The following DCAF8L2 variants were observed in gnomAD, a reference collection of about 807,000 sequenced individuals.
The protein encoded by DCAF8L2 is DDB1 and CUL4 associated factor 8 like 2.
For synonymous variants in DCAF8L2, 200 were observed against 190.9 expected (o/e 1.05, Z -0.39); for missense variants, 430 against 490.7 (o/e 0.88, Z 1.17).
the DCAF8L2 span, among the ~76,000 whole-genome samples, chrX:27,491,216 C>G: frequency 8.9e-6 from 1 of 112,120 alleles, no homozygotes; most frequent in African/African-American, 3.2e-5. Flanking sequence ...ATCATTTACT[C>G]GGTGATTTTC....
At chrX:27,643,490 G>A (rs772643632) in intron 2 of DCAF8L2, among the ~76,000 whole-genome samples, 3 of 110,978 alleles carry the variant, frequency 2.7e-5, no homozygotes, top group Non-Finnish European at 5.7e-5. Context: ...AACCAATAGA[G>A]ACAGATAAAA....
At chrX:27,663,864 ATTT>A (rs80069253) in intron 2 of DCAF8L2, among the ~76,000 whole-genome samples, 6 of 68,988 alleles carry the variant, frequency 8.7e-5, no homozygotes, top group African/African-American at 2.3e-4. Context: ...CACCTGGCTA[ATTT>A]TTTTTTTTTT....
At chrX:27,536,706 G>A in the DCAF8L2 span, among the ~76,000 whole-genome samples, 3 of 110,416 alleles carry the variant, frequency 2.7e-5, no homozygotes, top group African/African-American at 9.9e-5. Context: ...CCATCTCACA[G>A]ACTGAATTCC....
chrX:27,587,231 C>T (rs1925920270), upstream of DCAF8L2, among the ~76,000 whole-genome samples: 1 of 111,490 alleles, frequency 9.0e-6, no homozygotes, highest in Admixed American at 9.5e-5. Context: ...TACATACTTG[C>T]AAAATCCTTA....
chrX:27,594,671 A>G (rs1926268379), intron 1 of DCAF8L2, among the ~76,000 whole-genome samples: 1 of 111,779 alleles, frequency 8.9e-6, no homozygotes, highest in South Asian at 3.7e-4. Flanking sequence ...ATTTGCTAAA[A>G]AATTTCTAAA....
the DCAF8L2 span, among the ~76,000 whole-genome samples, chrX:27,487,219 C>A: frequency 8.9e-6 from 1 of 111,950 alleles, no homozygotes; most frequent in South Asian, 3.7e-4. Flanking sequence ...CTTCTTCTTG[C>A]TATTGACAAG....
At chrX:27,495,890 A>G in the DCAF8L2 span, among the ~76,000 whole-genome samples, 2 of 111,960 alleles carry the variant, frequency 1.8e-5, no homozygotes, top group Non-Finnish European at 3.8e-5. Context: ...TTCTGTGTGA[A>G]AGTGGTTAAC....
the DCAF8L2 span, among the ~76,000 whole-genome samples, chrX:27,570,497 A>T: frequency 9.0e-6 from 1 of 111,669 alleles, no homozygotes; most frequent in South Asian, 3.8e-4. Flanking sequence ...AATATTAACA[A>T]CTGACAACCC....
chrX:27,720,186 T>G (rs1931843923), intron 4 of DCAF8L2, among the ~76,000 whole-genome samples: 1 of 111,258 alleles, frequency 9.0e-6, no homozygotes, highest in East Asian at 2.8e-4. Context: ...CAAAAACCAC[T>G]TCACCATATA....
At chrX:27,674,482 C>A (rs1330981830) in intron 2 of DCAF8L2, among the ~76,000 whole-genome samples, 1 of 111,127 alleles carries the variant, frequency 9.0e-6, no homozygotes, top group Non-Finnish European at 1.9e-5. Flanking sequence ...ATCACCTCTG[C>A]CAAGGAGAGA....
intron 2 of DCAF8L2, among the ~76,000 whole-genome samples, chrX:27,670,174 TTTTGTTTG>T (rs147859168): frequency 8.4e-4 from 89 of 105,499 alleles, no homozygotes; most frequent in Non-Finnish European, 1.4e-3. Flanking sequence ...TTGGTTTTAT[TTTTGTTTG>T]TTTGTTTGTT....
intron 4 of DCAF8L2, among the ~76,000 whole-genome samples, chrX:27,721,660 G>A (rs1931904407): frequency 9.0e-6 from 1 of 110,579 alleles, no homozygotes; most frequent in Non-Finnish European, 1.9e-5. Flanking sequence ...AGCTCACAGA[G>A]GAAAGAAAAA....
At chrX:27,582,754 A>G in the DCAF8L2 span, among the ~76,000 whole-genome samples, 3 of 111,068 alleles carry the variant, frequency 2.7e-5, no homozygotes, top group African/African-American at 9.8e-5. Flanking sequence ...ACCCTCAGTA[A>G]CTTCAATCTC....
the DCAF8L2 span, among the ~76,000 whole-genome samples, chrX:27,549,948 C>T: frequency 7.8e-4 from 87 of 112,024 alleles, 1 homozygote; most frequent in African/African-American, 2.5e-3. Flanking sequence ...ATTGAAGGTC[C>T]ATCTCAGCTC....
intron 4 of DCAF8L2, among the ~76,000 whole-genome samples, chrX:27,727,426 T>C (rs924640295): frequency 1.8e-5 from 2 of 111,507 alleles, no homozygotes; most frequent in African/African-American, 6.5e-5. Flanking sequence ...GATATTCTTC[T>C]ATGACTCATT....
chrX:27,484,942 A>G, the DCAF8L2 span, among the ~76,000 whole-genome samples: 1 of 111,972 alleles, frequency 8.9e-6, no homozygotes, highest in African/African-American at 3.2e-5. Flanking sequence ...TTATATCTTT[A>G]CAAAGAGAAC....
chrX:27,615,533 A>G (rs1418891600), intron 1 of DCAF8L2, among the ~76,000 whole-genome samples: 1 of 108,025 alleles, frequency 9.3e-6, no homozygotes, highest in East Asian at 2.8e-4. Context: ...CAATCTATCT[A>G]TCTATCTATC....
chrX:27,618,081 A>G (rs781541017), intron 1 of DCAF8L2, among the ~76,000 whole-genome samples: 1 of 111,829 alleles, frequency 8.9e-6, no homozygotes, highest in South Asian at 3.7e-4. Flanking sequence ...TGCTAGAAAA[A>G]CACAGGAGCT....
At chrX:27,624,990 T>C in intron 1 of DCAF8L2, among the ~76,000 whole-genome samples, 1 of 111,630 alleles carries the variant, frequency 9.0e-6, no homozygotes, top group Non-Finnish European at 1.9e-5. Flanking sequence ...AAAAGAAAAA[T>C]TGGCAAATGG....
Sources: allele counts gnomAD v4.1 joint callset (sites outside exome capture counted in the v4.1 genomes callset), GRCh38; gene constraint gnomAD v4.1.1; transcripts MANE v1.5; gene names NCBI Gene and HGNC (gene_info 2026-07-23, HGNC 2026-07-21).